SLC2A11: variants seen among roughly 807,000 people sequenced by gnomAD.
SLC2A11 encodes solute carrier family 2, facilitated glucose transporter member 11.
SLC2A11 carries 43 observed loss-of-function variants against 52.1 expected under a neutral mutation model. That is an observed-to-expected ratio of 0.82 (90% confidence interval 0.65 to 1.06). The LOEUF (loss-of-function observed/expected upper bound fraction) is 1.06. SLC2A11 is among the 50% of genes least tolerant of loss of function. The pLI, the probability that SLC2A11 is intolerant of heterozygous loss-of-function variation, is 0.00. For missense variants in SLC2A11, 582 were observed against 654.2 expected (o/e 0.89, Z 1.20); for synonymous variants, 261 against 277.6 (o/e 0.94, Z 0.59).
intron 8 of SLC2A11, chr22:23,883,375 G>C (rs369057059): frequency 1.6e-4 from 52 of 320,142 alleles, no homozygotes; most frequent in East Asian, 1.0e-3. Context: ...CGAGGCTGAG[G>C]TGGGAGGATC....
chr22:23,866,269 G>A (rs2032262256), intron 2 of SLC2A11: 1 of 153,178 alleles, frequency 6.5e-6, no homozygotes, highest in Non-Finnish European at 1.5e-5. Context: ...CCAATGTCAG[G>A]GGAGGCTGGC....
At chr22:23,877,651 G>A in intron 5 of SLC2A11, 70 bp from the exon 6 acceptor site, 1 of 1,493,688 alleles carries the variant, frequency 6.7e-7, no homozygotes, top group South Asian at 1.3e-5. Flanking sequence ...GTGTGTAGGT[G>A]GGCAGGAGAG....
chr22:23,882,793 C>T lies in SLC2A11; in HGVS notation c.917C>T (p.Ala306Val), dbSNP rs764837324. 1.2e-6 allele frequency: 2 copies of T among 1,613,794 alleles called. No individual in the cohort carries two copies. Among genetic ancestry groups the T allele is most frequent in the Non-Finnish European group, 1.7e-6 (2 of 1,179,884 alleles). The change falls in exon 8 of 12, where the codon GCA becomes GTA. Residue 306 changes from alanine to valine, a missense_variant. By Grantham distance (64) the Ala-to-Val change is moderately conservative. Coordinates refer to ENST00000316185, the MANE Select transcript of SLC2A11 (RefSeq NM_001024939.4). ...TACGCCTCCTCCGTGTTCCGGAAGG[C>T]AGGAGTGCCGGAAGCGAAGATCCAG... is the stretch of plus-strand genomic sequence containing the variant. Reference protein sequence around the residue: ...YAYASSVFRKAGVPEAKIQYA... With the variant: ...YAYASSVFRKVGVPEAKIQYA...
chr22:23,873,403 G>A (rs922155763), intron 3 of SLC2A11: 1 of 151,644 alleles, frequency 6.6e-6, no homozygotes, highest in African/African-American at 2.4e-5. Flanking sequence ...TTTATTAGAC[G>A]GGTTCAAGCG....
chr22:23,878,648 G>A (rs1005457176), intron 6 of SLC2A11, among the ~76,000 whole-genome samples: 5 of 152,120 alleles, frequency 3.3e-5, no homozygotes, highest in African/African-American at 7.2e-5. Context: ...CTCTCCCATC[G>A]CAAGGGCTGT....
chr22:23,857,065 T>TGG, upstream of SLC2A11: 1 of 439,872 alleles, frequency 2.3e-6, no homozygotes, highest in Non-Finnish European at 3.8e-6. Context: ...AACCAAAGTG[T>TGG]GTGTGTGTGG....
chr22:23,883,743 G>T (rs375467591), intron 8 of SLC2A11, 29 bp from the exon 9 acceptor site: 1 of 1,481,080 alleles, frequency 6.8e-7, no homozygotes, highest in African/African-American at 1.4e-5. Context: ...ATGGCTGGGT[G>T]TGTGGGTCTG....
At chr22:23,868,130 T>C (rs2032329639) in intron 2 of SLC2A11, 1 of 331,958 alleles carries the variant, frequency 3.0e-6, no homozygotes, top group Non-Finnish European at 5.8e-6. Context: ...TACACCCAGC[T>C]TGTGTCCGGA....
intron 8 of SLC2A11, 99 bp from the exon 9 acceptor site, chr22:23,883,673 C>A: frequency 3.0e-6 from 3 of 997,308 alleles, no homozygotes; most frequent in African/African-American, 1.7e-5. Context: ...CTACCCTCAC[C>A]TCCACCACCA....
chr22:23,882,382 T>A, intron 6 of SLC2A11, 77 bp from the exon 7 acceptor site: 1 of 1,286,820 alleles, frequency 7.8e-7, no homozygotes, highest in Non-Finnish European at 1.0e-6. Flanking sequence ...AATGGTGGGA[T>A]GGAGGGGGGC....
chr22:23,860,932 G>A (rs1189022166), intron 1 of SLC2A11, among the ~76,000 whole-genome samples: 1 of 147,060 alleles, frequency 6.8e-6, no homozygotes, highest in African/African-American at 2.5e-5. Context: ...TGCTAGCTCC[G>A]CCTCCCGGGT....
upstream of SLC2A11, chr22:23,857,129 C>A (rs538167148): frequency 6.9e-5 from 85 of 1,231,858 alleles, 1 homozygote; most frequent in Admixed American, 1.4e-3. Flanking sequence ...AAGGGCTTGG[C>A]CCTCCGGAGA....
chr22:23,882,697 C>T, intron 7 of SLC2A11, 51 bp downstream of exon 7: 1 of 1,605,612 alleles, frequency 6.2e-7, no homozygotes, highest in Non-Finnish European at 8.5e-7. Context: ...CTTGGTGTTG[C>T]AGGCCGCTGG....
upstream of SLC2A11, chr22:23,857,595 C>T (rs1248762083): frequency 2.1e-5 from 23 of 1,084,828 alleles, no homozygotes; most frequent in Middle Eastern, 3.0e-4. Flanking sequence ...CCCGCGGCGG[C>T]GACTCCCCCC....
rs1471889348 is a variant in SLC2A11, at chr22:23,877,704, C to T, written c.546-17C>T. 2 of 1,563,470 alleles carry T rather than the reference C, an allele frequency of 1.3e-6. No individual in the cohort carries two copies. The highest frequency in any genetic ancestry group is 2.4e-5 in the South Asian group (2 of 82,488). ...GGCAAAGAGGCATCTGGCCTGGCCTCTCCTCTGCCTCCTTAGGGAGCTCCT... is the reference window on the plus strand; with the variant it reads ...GGCAAAGAGGCATCTGGCCTGGCCTTTCCTCTGCCTCCTTAGGGAGCTCCT... On this transcript the variant is annotated splice_polypyrimidine_tract_variant and intron_variant, in intron 5 of 11. Transcript: ENST00000316185.
rs918333426 is a variant in SLC2A11, at chr22:23,884,115, G to C, written c.1171+91G>C. 1.3e-6 allele frequency: 2 copies of C among 1,539,008 alleles called. No homozygotes were observed. Among genetic ancestry groups the C allele is most frequent in the Non-Finnish European group, 1.8e-6 (2 of 1,139,486 alleles). On this transcript the variant is annotated intron_variant, in intron 10 of 11. Coordinates refer to ENST00000316185, the MANE Select transcript of SLC2A11 (RefSeq NM_001024939.4). This position sits in a 1 kb window ranked among gnomAD's most constrained non-coding sequence, Gnocchi z 4.3. ...CACAGTGGGTGGGTGTGAATGCAATGTCCCCTGCAGGCCCTCAGAGACCAC... is the reference window on the plus strand; with the variant it reads ...CACAGTGGGTGGGTGTGAATGCAATCTCCCCTGCAGGCCCTCAGAGACCAC...
In SLC2A11 at chr22:23,883,516, T is replaced by C. The variant is rs2032897294; in HGVS notation, c.994-256T>C. The C allele has an allele frequency of 2.7e-5, 13 of 477,206 alleles. No individual in the cohort carries two copies. The South Asian group carries it at 5.0e-4, about 18-fold the overall frequency. The allele number at this position is 477,206 out of a possible 1,614,324, so 29.6% of individuals were successfully genotyped here. ...GACCCTGTCTCAATCAATCAATCAA[T>C]GCAGTGAGTTAGAGAGCATCTATTG... is the stretch of plus-strand genomic sequence containing the variant. On this transcript the variant is annotated intron_variant, in intron 8 of 11. Coordinates refer to ENST00000316185, the MANE Select transcript of SLC2A11 (RefSeq NM_001024939.4).
At chr22:23,882,414 AG>A (rs1568997373) in intron 6 of SLC2A11, 44 bp from the exon 7 acceptor site, 1 of 1,466,240 alleles carries the variant, frequency 6.8e-7, no homozygotes, top group East Asian at 2.5e-5. Flanking sequence ...GGGACCAAAG[AG>A]GGGCTTGGGG....
intron 6 of SLC2A11, chr22:23,880,338 C>A (rs1490697889): frequency 6.6e-6 from 1 of 150,712 alleles, no homozygotes; most frequent in Non-Finnish European, 1.5e-5. Flanking sequence ...TTGTCCTGGT[C>A]TTTTTTTTGT....
Sources: gnomAD v4.1 joint callset for allele counts (sites outside exome capture counted in the v4.1 genomes callset) on GRCh38, gnomAD v4.1.1 for gene constraint, Gnocchi (gnomAD v3.1) non-coding constraint, MANE v1.5 for transcripts, NCBI Gene and HGNC (gene_info 2026-07-23, HGNC 2026-07-21) for gene names.